The following PSMB2 variants were observed in gnomAD, a reference collection of about 807,000 sequenced individuals.
PSMB2 encodes the protein proteasome subunit beta type-2.
PSMB2 carries 13 observed loss-of-function variants against 25.7 expected under a neutral mutation model. The ratio of observed to expected loss-of-function variants is 0.51; its 90% CI spans 0.33 to 0.80. The LOEUF (loss-of-function observed/expected upper bound fraction) is 0.80. PSMB2 is among the 30% of genes least tolerant of loss of function. The pLI is 0.02. For missense variants in PSMB2, 202 were observed against 259.0 expected, an observed-to-expected ratio of 0.78 and a Z score of 1.51; for synonymous variants, 87 against 96.2, an observed-to-expected ratio of 0.90 and a Z score of 0.56.
At chr1:35,624,116 G>A (rs1650777438) in intron 3 of PSMB2, among the ~76,000 whole-genome samples, 1 of 152,086 alleles carries the variant, frequency 6.6e-6, no homozygotes. Flanking sequence ...GGTCACTGCT[G>A]GAAATGACTA....
Position 35,641,331 on chromosome 1 carries a change from C to T in PSMB2, c.91+11G>A, listed in dbSNP as rs181200347. The T allele has an allele frequency of 5.3e-5, 86 of 1,614,128 alleles. No individual in the cohort carries two copies. The African/African-American group carries it at 9.9e-4, about 19-fold the overall frequency. On this transcript the variant is annotated intron_variant, in intron 1 of 5. Coordinates refer to ENST00000373237, the MANE Select transcript of PSMB2 (RefSeq NM_002794.5). ...CCCAGGCCTGGCCGGGCCTCCCCTGCTTCCTCTCACCGTCCTTCATCTGGA... is the reference window on the plus strand; with the variant it reads ...CCCAGGCCTGGCCGGGCCTCCCCTGTTTCCTCTCACCGTCCTTCATCTGGA...
chr1:35,604,111 C>T (rs966159003), intron 5 of PSMB2, among the ~76,000 whole-genome samples: 25 of 151,824 alleles, frequency 1.6e-4, no homozygotes, highest in African/African-American at 5.1e-4. Flanking sequence ...ACTGACATTA[C>T]TCCCAACGCT....
intron 3 of PSMB2, among the ~76,000 whole-genome samples, chr1:35,620,692 C>T (rs150621854): frequency 0.018 from 2,783 of 151,030 alleles, 97 homozygotes; most frequent in African/African-American, 0.063. Flanking sequence ...TGCGCCACTG[C>T]ACTCCAGCCT....
At chr1:35,603,634 C>T (rs1246066811) in intron 5 of PSMB2, among the ~76,000 whole-genome samples, 1 of 152,104 alleles carries the variant, frequency 6.6e-6, no homozygotes, top group Non-Finnish European at 1.5e-5. Flanking sequence ...AGTCAGCTGA[C>T]GAAAGAATGA....
At chr1:35,620,636 G>A (rs1460334607) in intron 3 of PSMB2, among the ~76,000 whole-genome samples, 1 of 150,970 alleles carries the variant, frequency 6.6e-6, no homozygotes, top group Non-Finnish European at 1.5e-5. Context: ...GCTGAGGCAG[G>A]AGAATGGCGT....
chr1:35,627,180 T>C (rs757930850), intron 3 of PSMB2, among the ~76,000 whole-genome samples: 10 of 149,886 alleles, frequency 6.7e-5, no homozygotes, highest in Non-Finnish European at 1.0e-4. Context: ...AGTGGGAGTA[T>C]TGTTTGAGCC....
At chr1:35,635,828 C>CAAAAAAAAAA (rs1163061850) in intron 2 of PSMB2, among the ~76,000 whole-genome samples, 5 of 34,244 alleles carry the variant, frequency 1.5e-4, no homozygotes, top group Middle Eastern at 0.012. Flanking sequence ...GACTCCGTCT[C>CAAAAAAAAAA]AAAAAAAAAA....
intron 2 of PSMB2, among the ~76,000 whole-genome samples, chr1:35,633,461 A>G (rs562428989): frequency 1.4e-5 from 2 of 140,048 alleles, no homozygotes; most frequent in East Asian, 3.9e-4. Flanking sequence ...AGGTAATTTA[A>G]GGGTCTTTAA....
intron 1 of PSMB2, among the ~76,000 whole-genome samples, chr1:35,639,542 C>A (rs1651335520): frequency 6.6e-6 from 1 of 152,108 alleles, no homozygotes. Flanking sequence ...GCATTTATTT[C>A]CTTGTTTTCT....
intron 3 of PSMB2, among the ~76,000 whole-genome samples, chr1:35,630,351 CAAAA>C (rs922931239): frequency 1.3e-5 from 2 of 150,626 alleles, no homozygotes; most frequent in African/African-American, 4.9e-5. Context: ...GGTATTTACG[CAAAA>C]AAAAACTTAT....
intron 3 of PSMB2, among the ~76,000 whole-genome samples, chr1:35,621,382 C>T (rs1360721843): frequency 6.6e-6 from 1 of 152,126 alleles, no homozygotes; most frequent in Admixed American, 6.5e-5. Flanking sequence ...TTCCTCAGCC[C>T]CAAGGACAAT....
intron 1 of PSMB2, among the ~76,000 whole-genome samples, chr1:35,641,088 G>C (rs1651381744): frequency 1.3e-5 from 2 of 152,160 alleles, no homozygotes; most frequent in African/African-American, 4.8e-5. Flanking sequence ...TACTCGGGAG[G>C]CTGAGGCACG....
At chr1:35,639,272 T>C (rs1044762323) in intron 1 of PSMB2, among the ~76,000 whole-genome samples, 4 of 151,858 alleles carry the variant, frequency 2.6e-5, no homozygotes, top group African/African-American at 9.7e-5. Context: ...ATAAATAAAA[T>C]AAATAAAAAA....
At position 35,601,013 on chromosome 1, in the gene PSMB2, G is replaced by A. The variant is rs1024373502; in HGVS notation, c.*2254C>T. The A allele has an allele frequency of 1.8e-5, 16 of 876,058 alleles. No homozygotes were observed. Among genetic ancestry groups the A allele is most frequent in the Non-Finnish European group, 2.2e-5 (16 of 734,090 alleles). 54.3% of individuals were successfully genotyped at this position (876,058 alleles called of 1,614,324 possible). On this transcript the variant is annotated 3_prime_UTR_variant, in exon 6 of 6. Transcript: ENST00000373237. ...ATGTAGCAGGATAGTCTGTGCTTTA[G>A]TAGCAGCACTCCACTGGGTAGGGCG...
At chr1:35,640,868 G>A (rs1414681332) in intron 1 of PSMB2, among the ~76,000 whole-genome samples, 1 of 152,194 alleles carries the variant, frequency 6.6e-6, no homozygotes, top group Admixed American at 6.5e-5. Context: ...CCAGAGCAGA[G>A]CACTGACCCA....
At chr1:35,625,761 C>CAA (rs113858421) in intron 3 of PSMB2, among the ~76,000 whole-genome samples, 2,775 of 125,252 alleles carry the variant, frequency 0.022, 77 homozygotes, top group East Asian at 0.067. Context: ...GACTCCGTCT[C>CAA]AAAAAAAAAA....
In PSMB2 at chr1:35,602,929, T is replaced by A. The variant is rs975965242; in HGVS notation, c.*338A>T. The A allele has an allele frequency of 2.7e-5, 28 of 1,028,072 alleles. No homozygotes were observed. The highest frequency in any genetic ancestry group is 3.3e-5 in the Non-Finnish European group (28 of 855,322). 63.7% of individuals were successfully genotyped at this position (1,028,072 alleles called of 1,614,324 possible). A position where few individuals can be genotyped will look rare whatever the true frequency, so the allele number is the denominator to read the frequency against. Reference sequence around the variant, plus strand: ...AAAAGAACCACTACTTTAGAGAGAATGGAGATACTAGCAAGTAAAATATAT... The same window carrying A: ...AAAAGAACCACTACTTTAGAGAGAAAGGAGATACTAGCAAGTAAAATATAT... On this transcript the variant is annotated 3_prime_UTR_variant, in exon 6 of 6. Transcript: ENST00000373237.
chr1:35,615,901 GT>G (rs1274523127), intron 3 of PSMB2, among the ~76,000 whole-genome samples: 1 of 152,190 alleles, frequency 6.6e-6, no homozygotes, highest in African/African-American at 2.4e-5. Context: ...AGAGATGAGT[GT>G]TTTCATAAAC....
In PSMB2 at chr1:35,602,045, C is replaced by T. The variant is rs1650017377; in HGVS notation, c.*1222G>A. On this transcript the variant is annotated 3_prime_UTR_variant, in exon 6 of 6. Transcript: ENST00000373237. ...AAGCAATATGCAGAACTTAAAAATA[C>T]TTTTTAGCCGGGCACGGTGGCTCAC... 3 of 692,690 alleles carry T rather than the reference C, an allele frequency of 4.3e-6. No individual in the cohort carries two copies. Among genetic ancestry groups the T allele is most frequent in the African/African-American group, 2.0e-5 (1 of 51,258 alleles). The allele number at this position is 692,690 out of a possible 1,614,324, so 42.9% of individuals were successfully genotyped here. A position where few individuals can be genotyped will look rare whatever the true frequency, so the allele number is the denominator to read the frequency against.
Sources: gnomAD v4.1 joint callset for allele counts (sites outside exome capture counted in the v4.1 genomes callset) on GRCh38, gnomAD v4.1.1 for gene constraint, MANE v1.5 for transcripts, NCBI Gene and HGNC (gene_info 2026-07-23, HGNC 2026-07-21) for gene names.